The following SLC47A2 variants were observed in gnomAD, a reference collection of about 807,000 sequenced individuals.
The protein encoded by SLC47A2 is solute carrier family 47 member 2, also known as multidrug and toxin extrusion protein 2.
In SLC47A2, 52 loss-of-function variants were observed where a neutral mutation model predicts 67.7. That is an observed-to-expected ratio of 0.77 (90% CI 0.61 to 0.97). The LOEUF is 0.97. Ranked by LOEUF, SLC47A2 falls within the 50% of genes least tolerant of loss-of-function variation. The pLI is 0.00. For missense variants in SLC47A2, 676 were observed against 712.3 expected (o/e 0.95, Z 0.58); for synonymous variants, 278 against 292.9 (o/e 0.95, Z 0.52).
intron 13 of SLC47A2, among the ~76,000 whole-genome samples, chr17:19,696,473 A>G (rs1055426129): frequency 9.3e-5 from 14 of 150,048 alleles, no homozygotes; most frequent in African/African-American, 3.3e-4. Context: ...AAAAAAAAAA[A>G]AAAAATAGAG....
At chr17:19,715,093 T>C in intron 2 of SLC47A2, 23 bp downstream of exon 2, 2 of 1,608,470 alleles carry the variant, frequency 1.2e-6, no homozygotes, top group Non-Finnish European at 1.7e-6. Context: ...ACGTCCCTGC[T>C]CTGGGCCAAG....
At position 19,697,835 on chromosome 17, in the gene SLC47A2, A is replaced by G. The variant is rs78712327; in HGVS notation, c.1164+4770T>C. Among the ~76,000 whole-genome samples, 45 of 151,812 alleles carry G rather than the reference A, an allele frequency of 3.0e-4. No homozygotes were observed. The East Asian group carries it at 8.3e-3, about 28-fold the overall frequency. ...GTCTTGACCTCCCGGGCTCAAGCCA[A>G]CCTCTTTCTTTAGCCTCCCAAAGTG... On this transcript the variant is annotated intron_variant, in intron 13 of 16. Transcript: ENST00000433844.
At chr17:19,714,288 T>C (rs2086190302) in intron 3 of SLC47A2, among the ~76,000 whole-genome samples, 1 of 151,900 alleles carries the variant, frequency 6.6e-6, no homozygotes, top group South Asian at 2.1e-4. Context: ...CAGGGAGAGG[T>C]GAGGCCTTGC....
chr17:19,703,132 T>G lies in SLC47A2; in HGVS notation c.1054A>C (p.Ile352Leu), dbSNP rs753642234. The change falls in exon 12 of 17, where the codon ATC (isoleucine) becomes CTC (leucine). Residue 352 changes from isoleucine to leucine, a missense_variant. By Grantham distance (5) the Ile-to-Leu change is conservative. Coordinates refer to ENST00000433844, the MANE Select transcript of SLC47A2 (RefSeq NM_001099646.3). ...ATATGCCCCAGCTGATTTTTCAGGA[T>G]GCTTATCAGGGTGCCCAGGACCAGG... ...ISLVLGTLIS[I>L]LKNQLGHIFT... The G allele has an allele frequency of 1.2e-6, 2 of 1,614,162 alleles. No homozygotes were observed. The highest frequency in any genetic ancestry group is 2.2e-5 in the South Asian group (2 of 91,086).
chr17:19,679,162 T>A (rs181467410), intron 16 of SLC47A2, among the ~76,000 whole-genome samples: 5 of 152,352 alleles, frequency 3.3e-5, no homozygotes, highest in Admixed American at 2.6e-4. Flanking sequence ...TGAGGAGTGT[T>A]CTTGTCAACG....
Position 19,690,619 on chromosome 17 carries a change from AT to A in SLC47A2, c.1165-8950del, listed in dbSNP as rs1462948472. Among the ~76,000 whole-genome samples the A allele has an allele frequency of 2.6e-5, 4 of 152,316 alleles. No individual in the cohort carries two copies. In the East Asian group the frequency reaches 7.7e-4, roughly 29 times the overall value. ...TTAAAAATGGACAGAAATAGAAAAAATAATCCTAAAATGTATAAGATCTGAA... is the reference window on the plus strand; with the variant it reads ...TTAAAAATGGACAGAAATAGAAAAAAAATCCTAAAATGTATAAGATCTGAA... On this transcript the variant is annotated intron_variant, in intron 13 of 16. Transcript: ENST00000433844.
chr17:19,713,763 G>A, intron 4 of SLC47A2, 62 bp downstream of exon 4: 1 of 1,567,744 alleles, frequency 6.4e-7, no homozygotes, highest in Non-Finnish European at 8.6e-7. Flanking sequence ...CATCTTCAGG[G>A]TTTCCCTCGG....
chr17:19,709,221 C>T (rs973412805), intron 5 of SLC47A2, among the ~76,000 whole-genome samples: 21 of 152,318 alleles, frequency 1.4e-4, no homozygotes, highest in Non-Finnish European at 2.9e-4. Flanking sequence ...ACATGCTGGC[C>T]GTGGGCAGCC....
chr17:19,692,612 A>G lies in SLC47A2; in HGVS notation c.1164+9993T>C, dbSNP rs79722626. ...GATGAATTGTATTCAATATTTAAAC[A>G]AGAAATAATGTCAGTTCTTCACAAA... On this transcript the variant is annotated intron_variant, in intron 13 of 16. Coordinates refer to ENST00000433844, the MANE Select transcript of SLC47A2 (RefSeq NM_001099646.3). 2.0e-3 allele frequency among the ~76,000 whole-genome samples: 310 copies of G among 152,338 alleles called. 4 individuals are homozygous for G. In the East Asian group the frequency reaches 0.048, roughly 23 times the overall value.
At chr17:19,690,108 G>T (rs893811680) in intron 13 of SLC47A2, among the ~76,000 whole-genome samples, 4 of 152,094 alleles carry the variant, frequency 2.6e-5, no homozygotes, top group Admixed American at 6.6e-5. Context: ...GAACCCAGAA[G>T]TAAATCCATG....
intron 13 of SLC47A2, among the ~76,000 whole-genome samples, chr17:19,699,825 G>A (rs920712289): frequency 1.3e-5 from 2 of 152,256 alleles, no homozygotes; most frequent in Non-Finnish European, 2.9e-5. Context: ...AGACTTCCAC[G>A]TGAACATTCT....
Position 19,705,467 on chromosome 17 carries a change from A to G in SLC47A2, c.878T>C (p.Val293Ala), listed in dbSNP as rs1471326426. The change falls in exon 10 of 17, where the codon GTC (valine) becomes GCC (alanine). Residue 293 changes from valine to alanine, a missense_variant. Val to Ala is a moderately conservative substitution (Grantham distance 64). Transcript: ENST00000433844. ...LSVVDLSAQA[V>A]IYEVATVTYM... is the part of the protein sequence containing the mutation. ...GGTCACAGTGGCCACCTCGTAGATG[A>G]CAGCCTGGGCAGAGAGATCCACCAC... 6.2e-7 allele frequency: 1 copy of G among 1,612,200 alleles called. No homozygotes were observed. The highest frequency in any genetic ancestry group is 1.7e-5 in the Admixed American group (1 of 59,824).
At chr17:19,712,581 C>T (rs865830362) in intron 5 of SLC47A2, 122 bp downstream of exon 5, 1 of 995,330 alleles carries the variant, frequency 1.0e-6, no homozygotes, top group Non-Finnish European at 1.5e-6. Flanking sequence ...TTGTCAGTCA[C>T]CCTCATGGCC....
chr17:19,706,522 G>A, intron 9 of SLC47A2, 126 bp downstream of exon 9: 2 of 713,288 alleles, frequency 2.8e-6, no homozygotes, highest in South Asian at 1.9e-5. Context: ...AGCTGGAAGG[G>A]GGCTGGTGAG....
chr17:19,696,508 G>A (rs1354547282), intron 13 of SLC47A2, among the ~76,000 whole-genome samples: 5 of 151,142 alleles, frequency 3.3e-5, no homozygotes, highest in Admixed American at 3.3e-4. Context: ...GACAGACATG[G>A]AAGGAAGACT....
intron 5 of SLC47A2, among the ~76,000 whole-genome samples, chr17:19,712,028 A>T (rs2086114530): frequency 6.6e-6 from 1 of 152,192 alleles, no homozygotes; most frequent in Non-Finnish European, 1.5e-5. Flanking sequence ...CCCAATATAC[A>T]CATACTGATC....
At chr17:19,711,775 AATGC>A (rs2086107964) in intron 5 of SLC47A2, among the ~76,000 whole-genome samples, 1 of 151,998 alleles carries the variant, frequency 6.6e-6, no homozygotes, top group Admixed American at 6.6e-5. Context: ...CACTTCCAGT[AATGC>A]ATTTCTGTAA....
intron 2 of SLC47A2, 90 bp from the exon 3 acceptor site, chr17:19,714,879 G>A: frequency 6.4e-7 from 1 of 1,566,498 alleles, no homozygotes; most frequent in Non-Finnish European, 8.8e-7. Flanking sequence ...GTCAGGAAAT[G>A]CTGCCCAGCA....
At chr17:19,715,295 C>T (rs914404227) in intron 1 of SLC47A2, 78 bp from the exon 2 acceptor site, 4 of 1,327,680 alleles carry the variant, frequency 3.0e-6, no homozygotes, top group Non-Finnish European at 1.1e-6. Flanking sequence ...GCCTCTCCAG[C>T]TTTGAGGGCC....
Sources: allele counts gnomAD v4.1 joint callset (sites outside exome capture counted in the v4.1 genomes callset), GRCh38; gene constraint gnomAD v4.1.1; transcripts MANE v1.5; gene names NCBI Gene and HGNC (gene_info 2026-07-23, HGNC 2026-07-21).